The following ADAMTS2 variants were observed in gnomAD, a reference collection of about 807,000 sequenced individuals.
The protein encoded by ADAMTS2 is A disintegrin and metalloproteinase with thrombospondin motifs 2.
ADAMTS2 carries 50 observed loss-of-function variants against 123.0 expected under a neutral mutation model. The observed-to-expected ratio is 0.41, with a 90% confidence interval of 0.32 to 0.51. ADAMTS2 has a LOEUF of 0.51. ADAMTS2 is among the 20% of genes least tolerant of loss of function. The pLI, the probability that ADAMTS2 is intolerant of heterozygous loss-of-function variation, is 0.35. For synonymous variants in ADAMTS2, 678 were observed against 695.4 expected (o/e 0.98, Z 0.39); for missense variants, 1,494 against 1,705.2 (o/e 0.88, Z 2.18).
chr5:179,344,837 G>A (rs984379898), intron 1 of ADAMTS2, among the ~76,000 whole-genome samples: 5 of 152,172 alleles, frequency 3.3e-5, no homozygotes, highest in Non-Finnish European at 7.4e-5. Flanking sequence ...CTCCTCCGGA[G>A]CGTCCCCGGA....
At chr5:179,291,346 G>A (rs936577573) in intron 2 of ADAMTS2, among the ~76,000 whole-genome samples, 2 of 152,196 alleles carry the variant, frequency 1.3e-5, no homozygotes, top group South Asian at 2.1e-4. Flanking sequence ...TGCCCAGGGC[G>A]GTGGCCCACA....
rs777836885 is a variant in ADAMTS2 at position 179,158,673 on chromosome 5, G to A, written c.1132+50C>T. ...TCCCGGGGCCCCTTGCATGGCCAGG[G>A]GCTCATTTCCAGCTTCACGCCTCTG... On this transcript the variant is annotated intron_variant, in intron 6 of 21. Coordinates refer to ENST00000251582, the MANE Select transcript of ADAMTS2 (RefSeq NM_014244.5). This position sits in a 1 kb window ranked among gnomAD's most constrained non-coding sequence, Gnocchi z 5.0. 6.2e-7 allele frequency: 1 copy of A among 1,613,198 alleles called. No homozygotes were observed. Among genetic ancestry groups the A allele is most frequent in the Non-Finnish European group, 8.5e-7 (1 of 1,179,874 alleles).
intron 3 of ADAMTS2, among the ~76,000 whole-genome samples, chr5:179,255,289 AATCCTTCAC>A (rs1766020859): frequency 6.6e-6 from 1 of 152,232 alleles, no homozygotes; most frequent in South Asian, 2.1e-4. Context: ...CTGGAAAGTG[AATCCTTCAC>A]ATCCATGGCA....
chr5:179,208,171 A>T (rs1581191036), intron 3 of ADAMTS2, among the ~76,000 whole-genome samples: 2 of 151,468 alleles, frequency 1.3e-5, no homozygotes, highest in African/African-American at 2.4e-5. Flanking sequence ...CCGATGCTGG[A>T]GTGGGTAGAG....
chr5:179,187,705 C>T (rs1764206081), intron 4 of ADAMTS2, among the ~76,000 whole-genome samples: 1 of 152,074 alleles, frequency 6.6e-6, no homozygotes, highest in Non-Finnish European at 1.5e-5. Context: ...GAGGGGAAGC[C>T]CAGGGACAAT....
intron 2 of ADAMTS2, among the ~76,000 whole-genome samples, chr5:179,295,846 C>T (rs1157497981): frequency 6.6e-6 from 1 of 152,216 alleles, no homozygotes; most frequent in Non-Finnish European, 1.5e-5. Flanking sequence ...AAAAGCCCTT[C>T]CATATTCCGC....
rs758000590 is a variant in ADAMTS2, at chr5:179,225,742, ATCC to A, written c.689-18030_689-18028del. On this transcript the variant is annotated intron_variant, in intron 3 of 21. Coordinates refer to ENST00000251582, the MANE Select transcript of ADAMTS2 (RefSeq NM_014244.5). The surrounding 1 kb of genome is among the most constrained non-coding windows in gnomAD (Gnocchi z 4.5). Reference sequence around the variant, plus strand: ...CTCCAGGGAAAGCCCTTTGCACCCCATCCTCCTTCTGGCTTCCCCCATCTGCTG... The same window carrying A: ...CTCCAGGGAAAGCCCTTTGCACCCCATCCTTCTGGCTTCCCCCATCTGCTG... 1.4e-4 allele frequency among the ~76,000 whole-genome samples: 22 copies of A among 152,174 alleles called. No individual in the cohort carries two copies. Among genetic ancestry groups the A allele is most frequent in the Admixed American group, 2.6e-4 (4 of 15,292 alleles).
chr5:179,294,126 C>T (rs1384667674), intron 2 of ADAMTS2, among the ~76,000 whole-genome samples: 2 of 152,114 alleles, frequency 1.3e-5, no homozygotes, highest in East Asian at 1.9e-4. Flanking sequence ...TGTGGTGGTG[C>T]ATGCCTGTGG....
rs1166593617 is a variant in ADAMTS2, at chr5:179,343,805, C to T, written c.496G>A (p.Glu166Lys). ...TTGCTGAGCGCCACAGAGGAGGCTT[C>T]GGCTAGGCCGGCCACGTCTCCGACG... ...LYVGDVAGLA[E>K]ASSVALSNCD... The change falls in exon 2 of 22, where the codon GAA (glutamate) becomes AAA (lysine). Residue 166 changes from glutamate (E) to lysine (K), a missense_variant. Around this residue, in one of 6 missense-constraint regions of ADAMTS2, gnomAD observed 237 missense variants for 233.7 expected, o/e 1.01. Transcript: ENST00000251582. 4 of 1,611,132 alleles carry T rather than the reference C, an allele frequency of 2.5e-6. No homozygotes were observed. Among genetic ancestry groups the T allele is most frequent in the Non-Finnish European group, 3.4e-6 (4 of 1,179,462 alleles).
rs78886769 is a variant in ADAMTS2 at position 179,111,428 on chromosome 5, G to C, written c.*2439C>G. ...AGATTTGCGTCGTTTCTCAGAGCCC[G>C]GTGAACGTTGGCATTCCTTGGACAG... is the stretch of plus-strand genomic sequence containing the variant. On this transcript the variant is annotated 3_prime_UTR_variant, in exon 22 of 22. Transcript: ENST00000251582. The C allele has an allele frequency of 6.6e-6, 1 of 152,266 alleles. No individual in the cohort carries two copies. Among genetic ancestry groups the C allele is most frequent in the African/African-American group, 2.4e-5 (1 of 41,456 alleles). The allele number at this position is 152,266 out of a possible 1,614,324, so 9.4% of individuals were successfully genotyped here. A position where few individuals can be genotyped will look rare whatever the true frequency, so the allele number is the denominator to read the frequency against.
chr5:179,233,363 G>C (rs984360745), intron 3 of ADAMTS2, among the ~76,000 whole-genome samples: 1 of 140,166 alleles, frequency 7.1e-6, no homozygotes, highest in East Asian at 2.2e-4. Context: ...TAAATGCTAT[G>C]CTTGTTAAAA....
In ADAMTS2 at chr5:179,345,246, AGGAGCGGCGGCG is replaced by A. The variant is rs1757910947; in HGVS notation, c.71_82del (p.Pro24_Leu27del). On this transcript the variant is annotated inframe_deletion, in exon 1 of 22. Transcript: ENST00000251582. The surrounding 1 kb of genome is among the most constrained non-coding windows in gnomAD (Gnocchi z 7.5). ...GTTCGCGGGCGGCGGCGGCGGCGGC[AGGAGCGGCGGCG>A]GCAGCAGCAGCAGCAGCAGCAGCAG... is the stretch of plus-strand genomic sequence containing the variant. 2 of 1,146,802 alleles carry A rather than the reference AGGAGCGGCGGCG, an allele frequency of 1.7e-6. No individual in the cohort carries two copies. Among genetic ancestry groups the A allele is most frequent in the Non-Finnish European group, 2.1e-6 (2 of 939,960 alleles). The allele number at this position is 1,146,802 out of a possible 1,614,324, so 71.0% of individuals were successfully genotyped here. A position where few individuals can be genotyped will look rare whatever the true frequency, so the allele number is the denominator to read the frequency against.
At chr5:179,165,870 C>A (rs1386423413) in intron 5 of ADAMTS2, among the ~76,000 whole-genome samples, 4 of 152,210 alleles carry the variant, frequency 2.6e-5, no homozygotes, top group Non-Finnish European at 5.9e-5. Context: ...GGGGCCCATC[C>A]AGCCCAGGAT....
chr5:179,213,291 C>G (rs1396264000), intron 3 of ADAMTS2, among the ~76,000 whole-genome samples: 1 of 152,236 alleles, frequency 6.6e-6, no homozygotes, highest in Non-Finnish European at 1.5e-5. Context: ...TTTCTCCCGA[C>G]AGCACCCCGT....
intron 2 of ADAMTS2, among the ~76,000 whole-genome samples, chr5:179,329,089 A>G (rs1175086024): frequency 6.6e-6 from 1 of 152,208 alleles, no homozygotes; most frequent in Non-Finnish European, 1.5e-5. Context: ...GCACTTTGGG[A>G]GGCCAAGGAG....
intron 2 of ADAMTS2, chr5:179,341,344 GAAAGAAAGAAAA>G (rs1046330830): frequency 1.1e-5 from 4 of 377,162 alleles, no homozygotes; most frequent in South Asian, 5.8e-5. Flanking sequence ...CAAAAGGAAA[GAAAGAAAGAAAA>G]AAAGGAAGGA....
chr5:179,345,291 C>T lies in ADAMTS2; in HGVS notation c.38G>A (p.Cys13Tyr). ...PPAGAARRLL[C>Y]PALLLLLLLL... ...CAGCAGCAGCAGCAGCAGCGCGGGG[C>T]AGAGCAGGCGGCGAGCGGCTCCCGC... The change falls in exon 1 of 22, where the codon TGC (cysteine) becomes TAC (tyrosine). Residue 13 changes from cysteine (C) to tyrosine (Y), a missense_variant. Coordinates refer to ENST00000251582, the MANE Select transcript of ADAMTS2 (RefSeq NM_014244.5). The surrounding 1 kb of genome is among the most constrained non-coding windows in gnomAD (Gnocchi z 7.5). The T allele has an allele frequency of 8.8e-7, 1 of 1,142,740 alleles. No individual in the cohort carries two copies. Among genetic ancestry groups the T allele is most frequent in the Non-Finnish European group, 1.1e-6 (1 of 933,376 alleles). 70.8% of individuals were successfully genotyped at this position (1,142,740 alleles called of 1,614,324 possible).
intron 2 of ADAMTS2, among the ~76,000 whole-genome samples, chr5:179,318,189 G>A (rs1325201205): frequency 3.3e-5 from 5 of 152,210 alleles, no homozygotes; most frequent in Non-Finnish European, 7.3e-5. Context: ...GACACTCCCA[G>A]CAGAAAGGGT....
In ADAMTS2 at chr5:179,317,972, G is replaced by A. The variant is rs575776708; in HGVS notation, c.534+25795C>T. ...GGGGTGGAGCCGGGACATGAGGAAC[G>A]GGCAGTGATGAATCTGAAGCCCTGC... On this transcript the variant is annotated intron_variant, in intron 2 of 21. Transcript: ENST00000251582. The surrounding 1 kb of genome is among the most constrained non-coding windows in gnomAD (Gnocchi z 4.9). Among the ~76,000 whole-genome samples the A allele has an allele frequency of 2.7e-4, 41 of 152,296 alleles. No individual in the cohort carries two copies. The highest frequency in any genetic ancestry group is 5.5e-4 in the African/African-American group (23 of 41,566).
Sources: gnomAD v4.1 joint callset for allele counts (sites outside exome capture counted in the v4.1 genomes callset) on GRCh38, gnomAD v4.1.1 for gene constraint, gnomAD v4.1.1 regional missense constraint, Gnocchi (gnomAD v3.1) non-coding constraint, MANE v1.5 for transcripts, NCBI Gene and HGNC (gene_info 2026-07-23, HGNC 2026-07-21) for gene names.